MDN1: variants seen among roughly 807,000 people sequenced by gnomAD.
The protein encoded by MDN1 is midasin.
MDN1 carries 266 observed loss-of-function variants against 669.2 expected under a neutral mutation model. That is an observed-to-expected ratio of 0.40 (90% confidence interval 0.36 to 0.44). MDN1 has a LOEUF of 0.44. Among genes scored for constraint, MDN1 ranks in the 20% least tolerant of loss-of-function variants. The probability of loss-of-function intolerance (pLI) is 1.00; values close to 1 mark genes in which losing one functional copy is unlikely to be tolerated. For missense variants in MDN1, 5,940 were observed against 6,754.0 expected, an observed-to-expected ratio of 0.88 and a Z score of 4.22; for synonymous variants, 2,385 against 2,457.1, an observed-to-expected ratio of 0.97 and a Z score of 0.87.
rs1293477418 is a variant in MDN1, at chr6:89,780,303, A to G, written c.1644-10T>C. 3 of 1,528,056 alleles carry G rather than the reference A, an allele frequency of 2.0e-6. No homozygotes were observed. The highest frequency in any genetic ancestry group is 1.4e-5 in the African/African-American group (1 of 70,820). The allele number at this position is 1,528,056 out of a possible 1,614,324, so 94.7% of individuals were successfully genotyped here. On this transcript the variant is annotated splice_polypyrimidine_tract_variant and intron_variant, in intron 10 of 101. Transcript: ENST00000369393. ...CCAATTCAGCAGATCCCTTTAAAAA[A>G]AAGAAAGAAAAGAAAAAACAAAGAA...
chr6:89,761,599 C>T lies in MDN1; in HGVS notation c.2460+46G>A, dbSNP rs183782277. ...GTAACCTGCCTGAAACATTGTTTTG[C>T]ATAAAATCAACGTTCCCATAAGCTA... On this transcript the variant is annotated intron_variant, in intron 17 of 101. Transcript: ENST00000369393. The T allele has an allele frequency of 4.8e-5, 66 of 1,363,710 alleles. No homozygotes were observed. The Admixed American group carries it at 9.7e-4, about 20-fold the overall frequency. 84.5% of individuals were successfully genotyped at this position (1,363,710 alleles called of 1,614,324 possible).
At chr6:89,745,038 T>C (rs1302700955) in intron 29 of MDN1, among the ~76,000 whole-genome samples, 2 of 149,938 alleles carry the variant, frequency 1.3e-5, no homozygotes, top group African/African-American at 2.5e-5. Flanking sequence ...ACATGTGCCA[T>C]GTTGGTTTGC....
At chr6:89,741,719 C>G (rs1483844163) in intron 31 of MDN1, among the ~76,000 whole-genome samples, 1 of 152,122 alleles carries the variant, frequency 6.6e-6, no homozygotes, top group Admixed American at 6.5e-5. Flanking sequence ...GTCTTATGAT[C>G]CCATGAACTT....
At chr6:89,744,322 T>A (rs950664912) in intron 29 of MDN1, among the ~76,000 whole-genome samples, 5 of 152,184 alleles carry the variant, frequency 3.3e-5, no homozygotes, top group Non-Finnish European at 7.4e-5. Context: ...GGCTCATGCC[T>A]GTAATCCCAA....
At chr6:89,798,443 G>C (rs1022227948) in intron 2 of MDN1, among the ~76,000 whole-genome samples, 1 of 151,698 alleles carries the variant, frequency 6.6e-6, no homozygotes, top group African/African-American at 2.4e-5. Flanking sequence ...CGGAGGTTGC[G>C]GTGAGCCAAG....
intron 2 of MDN1, among the ~76,000 whole-genome samples, chr6:89,795,693 C>A (rs201293511): frequency 7.1e-6 from 1 of 140,292 alleles, no homozygotes; most frequent in African/African-American, 2.5e-5. Context: ...GTGGCTCACA[C>A]CCGTAATCCC....
intron 13 of MDN1, among the ~76,000 whole-genome samples, chr6:89,773,330 A>T (rs9451271): frequency 0.52 from 79,579 of 151,696 alleles, 21,293 homozygotes; most frequent in East Asian, 0.68. Context: ...TCACAAGGTC[A>T]GGAGCTCAAG....
chr6:89,701,757 C>A, intron 54 of MDN1, 79 bp from the exon 55 acceptor site: 2 of 1,512,500 alleles, frequency 1.3e-6, no homozygotes, highest in South Asian at 2.6e-5. Context: ...TTAATATTTT[C>A]TTTCTTTCTT....
intron 19 of MDN1, 47 bp from the exon 20 acceptor site, chr6:89,756,437 T>C (rs1178976139): frequency 1.1e-6 from 1 of 878,412 alleles, no homozygotes. Flanking sequence ...TTAATATAAC[T>C]ATGTTGACAA....
intron 2 of MDN1, among the ~76,000 whole-genome samples, chr6:89,797,406 A>G (rs533825882): frequency 6.6e-6 from 1 of 152,164 alleles, no homozygotes; most frequent in South Asian, 2.1e-4. Context: ...CTATCTTAAA[A>G]AATTGTGTAC....
chr6:89,676,072 C>G, intron 77 of MDN1, 30 bp downstream of exon 77: 2 of 1,591,798 alleles, frequency 1.3e-6, no homozygotes, highest in Non-Finnish European at 1.7e-6. Flanking sequence ...TTCCCTGAGC[C>G]CCTGCAAGAC....
At chr6:89,743,030 T>C (rs566613506) in intron 31 of MDN1, 120 bp downstream of exon 31, 3 of 1,236,420 alleles carry the variant, frequency 2.4e-6, no homozygotes, top group Non-Finnish European at 3.4e-6. Flanking sequence ...TACAGTGAAC[T>C]ATGATCATGA....
chr6:89,723,115 T>G lies in MDN1; in HGVS notation c.5807A>C (p.Lys1936Thr). Residue 1936 changes from lysine to threonine, a missense_variant, in exon 40 of 102, where the codon AAA becomes ACA. Lys to Thr is a moderately conservative substitution (Grantham distance 78). This residue lies in a region of MDN1 where 2,292 missense variants were observed against 2,638.3 expected (regional missense o/e 0.87). Transcript: ENST00000369393. ...QIDHEVTVEK[K>T]WGQKGGPWEF... ...CCAGGGTCCTCCTTTTTGCCCCCATTTCTTCTCAACAGTCACTTCATGATC... is the reference window on the plus strand; with the variant it reads ...CCAGGGTCCTCCTTTTTGCCCCCATGTCTTCTCAACAGTCACTTCATGATC... 2 of 1,614,064 alleles carry G rather than the reference T, an allele frequency of 1.2e-6. No homozygotes were observed. The highest frequency in any genetic ancestry group is 1.7e-6 in the Non-Finnish European group (2 of 1,179,960).
intron 40 of MDN1, among the ~76,000 whole-genome samples, chr6:89,720,174 A>C (rs1268711521): frequency 6.6e-6 from 1 of 152,226 alleles, no homozygotes; most frequent in Non-Finnish European, 1.5e-5. Context: ...TAAAAGCAGC[A>C]TAGGAAAGTG....
In MDN1 at chr6:89,751,488, A is replaced by G; in HGVS notation, c.3170T>C (p.Ile1057Thr). ...DKEPTIDETY[I>T]LTSSVKLNLR... is the part of the protein sequence containing the mutation. Reference sequence around the variant, plus strand: ...GTTCAGCTTCACAGAAGATGTCAGAATGTACGTCTCATCTATTGTAGGCTC... The same window carrying G: ...GTTCAGCTTCACAGAAGATGTCAGAGTGTACGTCTCATCTATTGTAGGCTC... The change falls in exon 23 of 102, where the codon ATT (isoleucine) becomes ACT (threonine). Residue 1057 changes from isoleucine to threonine, a missense_variant. This residue lies in a region of MDN1 where 1,203 missense variants were observed against 1,268.9 expected (regional missense o/e 0.95). Coordinates refer to ENST00000369393, the MANE Select transcript of MDN1 (RefSeq NM_014611.3). The G allele has an allele frequency of 6.2e-7, 1 of 1,614,164 alleles. No individual in the cohort carries two copies. Among genetic ancestry groups the G allele is most frequent in the African/African-American group, 1.3e-5 (1 of 75,038 alleles).
intron 5 of MDN1, among the ~76,000 whole-genome samples, chr6:89,790,796 G>A (rs1819227522): frequency 6.6e-6 from 1 of 152,224 alleles, no homozygotes; most frequent in African/African-American, 2.4e-5. Flanking sequence ...CAAGGCAGGT[G>A]GATCACCTGA....
chr6:89,790,390 C>A lies in MDN1; in HGVS notation c.867G>T (p.Arg289Ser). ...CCAGCTCCTGTTCACGTGAAGAACT[C>A]CTATTACCACCCTAAAGAGGCAAGA... ...LPAPGELGGNRSSSREQELAL... is the reference protein window; with the variant it reads ...LPAPGELGGNSSSSREQELAL... The change falls in exon 6 of 102, where the codon AGG becomes AGT. Residue 289 changes from arginine to serine, a missense_variant. This residue lies in a region of MDN1 where 1,203 missense variants were observed against 1,268.9 expected (regional missense o/e 0.95). Coordinates refer to ENST00000369393, the MANE Select transcript of MDN1 (RefSeq NM_014611.3). 1 of 1,613,738 alleles carries A rather than the reference C, an allele frequency of 6.2e-7. No homozygotes were observed. Among genetic ancestry groups the A allele is most frequent in the South Asian group, 1.1e-5 (1 of 90,944 alleles).
At chr6:89,726,927 G>A (rs1815273914) in intron 37 of MDN1, among the ~76,000 whole-genome samples, 1 of 152,144 alleles carries the variant, frequency 6.6e-6, no homozygotes, top group Admixed American at 6.5e-5. Flanking sequence ...GCTCTTAAAT[G>A]TGTTTATAAA....
intron 73 of MDN1, 67 bp downstream of exon 73, chr6:89,683,065 G>T: frequency 6.7e-7 from 1 of 1,501,244 alleles, no homozygotes; most frequent in Non-Finnish European, 9.2e-7. Context: ...GGCATGCCTT[G>T]CACATAAAAC....
Sources: gnomAD v4.1 joint callset for allele counts (sites outside exome capture counted in the v4.1 genomes callset) on GRCh38, gnomAD v4.1.1 for gene constraint, gnomAD v4.1.1 regional missense constraint, MANE v1.5 for transcripts, NCBI Gene and HGNC (gene_info 2026-07-23, HGNC 2026-07-21) for gene names.